The following SLC16A6 variants were observed in gnomAD, a reference collection of about 807,000 sequenced individuals.
SLC16A6 encodes solute carrier family 16 member 6.
In SLC16A6, 15 loss-of-function variants were observed where a neutral mutation model predicts 33.8. The ratio of observed to expected loss-of-function variants is 0.44; its 90% CI spans 0.30 to 0.68. SLC16A6 has a LOEUF of 0.68. SLC16A6 is among the 30% of genes least tolerant of loss of function. SLC16A6 has a pLI of 0.10. For synonymous variants in SLC16A6, 219 were observed against 248.4 expected (o/e 0.88, Z 1.11); for missense variants, 451 against 661.5 (o/e 0.68, Z 3.49).
chr17:68,287,203 C>T (rs1348309020), intron 1 of SLC16A6, among the ~76,000 whole-genome samples: 1 of 152,222 alleles, frequency 6.6e-6, no homozygotes, highest in Admixed American at 6.5e-5. Flanking sequence ...TGGTCTTGAA[C>T]TCCTAACCTC....
intron 5 of SLC16A6, among the ~76,000 whole-genome samples, chr17:68,269,657 C>T: frequency 8.4e-6 from 1 of 118,972 alleles, no homozygotes. Flanking sequence ...ATTATTTTCA[C>T]TTGAGTTCAC....
intron 1 of SLC16A6, among the ~76,000 whole-genome samples, chr17:68,290,661 G>T (rs1045138831): frequency 6.6e-6 from 1 of 152,240 alleles, no homozygotes; most frequent in Non-Finnish European, 1.5e-5. Context: ...GCGCCAGCCT[G>T]GGGTAGGAAG....
chr17:68,274,252 G>C, intron 2 of SLC16A6, 182 bp from the exon 3 acceptor site: 1 of 542,704 alleles, frequency 1.8e-6, no homozygotes, highest in Non-Finnish European at 3.2e-6. Context: ...GATCGCTTGA[G>C]CCCAGGAGTT....
At chr17:68,272,852 G>A (rs1555749516) in intron 3 of SLC16A6, 85 bp from the exon 4 acceptor site, 46 of 1,559,684 alleles carry the variant, frequency 2.9e-5, no homozygotes, top group Non-Finnish European at 1.7e-6. Flanking sequence ...GGGATTTTTG[G>A]TTTTGCTTTT....
At chr17:68,279,758 A>T (rs1242589909) in intron 1 of SLC16A6, among the ~76,000 whole-genome samples, 1 of 152,196 alleles carries the variant, frequency 6.6e-6, no homozygotes, top group Non-Finnish European at 1.5e-5. Flanking sequence ...GTCTTTTTCA[A>T]AGCCTCTGTA....
intron 2 of SLC16A6, among the ~76,000 whole-genome samples, chr17:68,275,059 C>T (rs1026203175): frequency 2.0e-5 from 3 of 152,272 alleles, no homozygotes; most frequent in Middle Eastern, 3.4e-3. Context: ...GGATTACAGG[C>T]GTGAGCCACC....
intron 1 of SLC16A6, among the ~76,000 whole-genome samples, chr17:68,284,951 T>G (rs1352402078): frequency 3.9e-5 from 6 of 152,198 alleles, no homozygotes; most frequent in South Asian, 4.1e-4. Context: ...TGCCTGTACC[T>G]TGTACACAGC....
rs782357159 is a variant in SLC16A6 at position 68,271,427 on chromosome 17, T to G, written c.733A>C (p.Thr245Pro). 25 of 1,614,218 alleles carry G rather than the reference T, an allele frequency of 1.5e-5. No individual in the cohort carries two copies. Among genetic ancestry groups the G allele is most frequent in the East Asian group, 2.2e-5 (1 of 44,880 alleles). ...GTAGGCACATTTTTAGGTGAGGTAG[T>G]TAGTTCTACTCCTGAGTCAATGGAG... is the stretch of plus-strand genomic sequence containing the variant. Reference protein sequence around the residue: ...IDSIDSGVELTTSPKNVPTHT... With the variant: ...IDSIDSGVELPTSPKNVPTHT... Residue 245 changes from threonine (T) to proline (P), a missense_variant, in exon 5 of 6, where the codon ACT becomes CCT. Physicochemically the swap from Thr to Pro is conservative, Grantham distance 38 (BLOSUM62 -1). Transcript: ENST00000580666. This position sits in a 1 kb window ranked among gnomAD's most constrained non-coding sequence, Gnocchi z 5.3.
Position 68,268,964 on chromosome 17 carries a change from A to G in SLC16A6, c.*132T>C, listed in dbSNP as rs1395263677. On this transcript the variant is annotated 3_prime_UTR_variant, in exon 6 of 6. Coordinates refer to ENST00000580666, the MANE Select transcript of SLC16A6 (RefSeq NM_004694.5). ...AAGCGATGTTGGTAGTGCTCTTCAC[A>G]TACACATTCCCTTTAAAATGTAGTT... is the stretch of plus-strand genomic sequence containing the variant. 6.6e-7 allele frequency: 1 copy of G among 1,507,486 alleles called. No individual in the cohort carries two copies. Among genetic ancestry groups the G allele is most frequent in the East Asian group, 2.3e-5 (1 of 43,818 alleles). 93.4% of individuals were successfully genotyped at this position (1,507,486 alleles called of 1,614,324 possible).
At position 68,278,210 on chromosome 17, in the gene SLC16A6, G is replaced by T. The variant is rs782359692; in HGVS notation, c.111C>A (p.Phe37Leu). ...VAVSFFFVEVFTYGIIKTFGV... is the reference protein window; with the variant it reads ...VAVSFFFVEVLTYGIIKTFGV... Reference sequence around the variant, plus strand: ...CAAATGTCTTGATGATGCCGTAGGTGAAGACTTCAACGAAGAAAAATGAAA... The same window carrying T: ...CAAATGTCTTGATGATGCCGTAGGTTAAGACTTCAACGAAGAAAAATGAAA... Residue 37 changes from phenylalanine to leucine, a missense_variant, in exon 2 of 6, where the codon TTC (phenylalanine) becomes TTA (leucine). This residue lies in a region of SLC16A6 where 405 missense variants were observed against 510.7 expected (regional missense o/e 0.79). Coordinates refer to ENST00000580666, the MANE Select transcript of SLC16A6 (RefSeq NM_004694.5). 8.7e-6 allele frequency: 14 copies of T among 1,614,036 alleles called. No individual in the cohort carries two copies. The highest frequency in any genetic ancestry group is 2.2e-5 in the South Asian group (2 of 91,092).
intron 3 of SLC16A6, 108 bp downstream of exon 3, chr17:68,273,819 A>G: frequency 7.3e-7 from 1 of 1,372,656 alleles, no homozygotes; most frequent in Non-Finnish European, 1.0e-6. Flanking sequence ...ATGTTAAAGA[A>G]AAAAAGAAAG....
At chr17:68,270,318 G>A (rs1313772916) in intron 5 of SLC16A6, among the ~76,000 whole-genome samples, 8 of 152,096 alleles carry the variant, frequency 5.3e-5, no homozygotes, top group African/African-American at 1.9e-4. Flanking sequence ...TACTTTGGGA[G>A]GCCAAGGCAG....
chr17:68,287,831 CA>C (rs782726764), intron 1 of SLC16A6, among the ~76,000 whole-genome samples: 47 of 152,258 alleles, frequency 3.1e-4, no homozygotes, highest in Middle Eastern at 3.4e-3. Context: ...TAAAGTCATG[CA>C]CAGGTCTTTC....
chr17:68,281,489 C>T (rs1327310233), intron 1 of SLC16A6, among the ~76,000 whole-genome samples: 2 of 151,654 alleles, frequency 1.3e-5, no homozygotes, highest in Non-Finnish European at 2.9e-5. Flanking sequence ...GCAGGAGACT[C>T]ACTTGAACCT....
Position 68,274,942 on chromosome 17 carries a change from G to C in SLC16A6, c.233-872C>G, listed in dbSNP as rs374399675. The stretch of plus-strand genomic sequence containing the variant: ...ATTACAGGCATGTGCCACCATGCCC[G>C]GCTGATTGTGTATTTTTAGTAGAGA... On this transcript the variant is annotated intron_variant, in intron 2 of 5. Transcript: ENST00000580666. Among the ~76,000 whole-genome samples, 227 of 152,186 alleles carry C rather than the reference G, an allele frequency of 1.5e-3. 2 individuals are homozygous for C. The highest frequency in any genetic ancestry group is 5.1e-3 in the African/African-American group (211 of 41,512).
In SLC16A6 at chr17:68,271,014, G is replaced by A; in HGVS notation, c.1146C>T (p.Phe382=). 1 of 1,614,102 alleles carries A rather than the reference G, an allele frequency of 6.2e-7. No individual in the cohort carries two copies. Among genetic ancestry groups the A allele is most frequent in the Non-Finnish European group, 8.5e-7 (1 of 1,180,036 alleles). ...ATATGCTGCATGACATTAGACCCCAGAATTCAGTAGCAAAAGTAAAGGCAA... is the reference window on the plus strand; with the variant it reads ...ATATGCTGCATGACATTAGACCCCAAAATTCAGTAGCAAAAGTAAAGGCAA... ...SLFAFTFATE[F]WGLMSCSIFF... The change falls in exon 5 of 6, where the codon TTC becomes TTT. Residue 382 remains phenylalanine, a synonymous_variant. Coordinates refer to ENST00000580666, the MANE Select transcript of SLC16A6 (RefSeq NM_004694.5). This position sits in a 1 kb window ranked among gnomAD's most constrained non-coding sequence, Gnocchi z 5.3.
chr17:68,284,094 ACT>A (rs1437061643), intron 1 of SLC16A6, among the ~76,000 whole-genome samples: 2 of 121,966 alleles, frequency 1.6e-5, no homozygotes, highest in Non-Finnish European at 3.3e-5. Flanking sequence ...ATAGAGTGAG[ACT>A]CTGTCTCAAA....
intron 1 of SLC16A6, among the ~76,000 whole-genome samples, chr17:68,289,230 C>A (rs1240096961): frequency 6.6e-6 from 1 of 151,916 alleles, no homozygotes; most frequent in Non-Finnish European, 1.5e-5. Context: ...CCCGGGAGGT[C>A]GAGGCTGCAA....
At position 68,270,967 on chromosome 17, in the gene SLC16A6, G is replaced by A; in HGVS notation, c.1193C>T (p.Thr398Ile). 1 of 1,614,136 alleles carries A rather than the reference G, an allele frequency of 6.2e-7. No homozygotes were observed. The highest frequency in any genetic ancestry group is 8.5e-7 in the Non-Finnish European group (1 of 1,180,034). The change falls in exon 5 of 6, where the codon ACA becomes ATA. Residue 398 changes from threonine to isoleucine, a missense_variant. Physicochemically the swap from Thr to Ile is moderately conservative, Grantham distance 89. Coordinates refer to ENST00000580666, the MANE Select transcript of SLC16A6 (RefSeq NM_004694.5). Reference sequence around the variant, plus strand: ...CAGTGGAATGTGAGTCCCTCCTATTGTTCCAACCATAAACCCAAAAAATAT... The same window carrying A: ...CAGTGGAATGTGAGTCCCTCCTATTATTCCAACCATAAACCCAAAAAATAT... The part of the protein sequence containing the change: ...CSIFFGFMVG[T>I]IGGTHIPLLA...
Sources: gnomAD v4.1 joint callset for allele counts (sites outside exome capture counted in the v4.1 genomes callset) on GRCh38, gnomAD v4.1.1 for gene constraint, gnomAD v4.1.1 regional missense constraint, Gnocchi (gnomAD v3.1) non-coding constraint, MANE v1.5 for transcripts, NCBI Gene and HGNC (gene_info 2026-07-23, HGNC 2026-07-21) for gene names.